Variants in NEK1 observed in about 807,000 individuals in gnomAD.
NEK1 encodes the protein NIMA related kinase 1.
NEK1 carries 137 observed loss-of-function variants against 182.1 expected under a neutral mutation model. The observed-to-expected ratio is 0.75, with a 90% CI of 0.65 to 0.87. The LOEUF is 0.87. Ranked by LOEUF, NEK1 falls within the 40% of genes least tolerant of loss-of-function variation. The pLI is 0.00. For missense variants in NEK1, 1,391 were observed against 1,494.4 expected, an observed-to-expected ratio of 0.93 and a Z score of 1.14; for synonymous variants, 513 against 492.2, an observed-to-expected ratio of 1.04 and a Z score of -0.56.
chr4:169,394,598 C>T, intron 35 of NEK1, 75 bp from the exon 36 acceptor site: 1 of 860,202 alleles, frequency 1.2e-6, no homozygotes, highest in South Asian at 1.7e-5. Context: ...CATTCTTGTT[C>T]ATGCTAAAGG....
intron 18 of NEK1, among the ~76,000 whole-genome samples, chr4:169,551,627 GGAAAAA>G (rs1222077344): frequency 6.6e-6 from 1 of 151,956 alleles, no homozygotes; most frequent in Non-Finnish European, 1.5e-5. Context: ...CACTATCTTG[GGAAAAA>G]GAAAAGGAAA....
At chr4:169,570,166 C>T (rs1241432268) in intron 12 of NEK1, among the ~76,000 whole-genome samples, 2 of 147,466 alleles carry the variant, frequency 1.4e-5, no homozygotes, top group African/African-American at 5.0e-5. Flanking sequence ...ATGTGAGGAG[C>T]GCCTCTGCCC....
rs182046009 is a variant in NEK1, at chr4:169,424,891, C to G, written c.2975-91G>C. 2.8e-5 allele frequency: 37 copies of G among 1,339,800 alleles called. No homozygotes were observed. The African/African-American group carries it at 4.9e-4, about 18-fold the overall frequency. The allele number at this position is 1,339,800 out of a possible 1,614,324, so 83.0% of individuals were successfully genotyped here. On this transcript the variant is annotated intron_variant, in intron 30 of 35. Transcript: ENST00000507142. ...TAAGGCACAGTATGTAACACAAATT[C>G]TAGCAAAAAACCCACATATCAGGAA... is the stretch of plus-strand genomic sequence containing the variant.
At chr4:169,514,827 T>C (rs527305168) in intron 19 of NEK1, among the ~76,000 whole-genome samples, 15 of 152,170 alleles carry the variant, frequency 9.9e-5, no homozygotes, top group Non-Finnish European at 2.1e-4. Flanking sequence ...CTCTATAGTA[T>C]TACTGGTCTC....
intron 31 of NEK1, among the ~76,000 whole-genome samples, chr4:169,421,240 A>G (rs1735445034): frequency 6.6e-6 from 1 of 152,218 alleles, no homozygotes; most frequent in Non-Finnish European, 1.5e-5. Context: ...AAAATCAGTA[A>G]GGATACTGAA....
In NEK1 at chr4:169,394,114, C is replaced by T. The variant is rs2110911197; in HGVS notation, c.*396G>A. 6.0e-6 allele frequency: 1 copy of T among 167,512 alleles called. No homozygotes were observed. Among genetic ancestry groups the T allele is most frequent in the East Asian group, 1.8e-4 (1 of 5,486 alleles). 10.4% of individuals were successfully genotyped at this position (167,512 alleles called of 1,614,324 possible). A position where few individuals can be genotyped will look rare whatever the true frequency, so the allele number is the denominator to read the frequency against. ...AGAAAAAAGATCATGCTTAAAGACTCCATTGAAAAACCACAGACAGGTCCT... is the reference window on the plus strand; with the variant it reads ...AGAAAAAAGATCATGCTTAAAGACTTCATTGAAAAACCACAGACAGGTCCT... On this transcript the variant is annotated 3_prime_UTR_variant, in exon 36 of 36. Coordinates refer to ENST00000507142, the MANE Select transcript of NEK1 (RefSeq NM_001199397.3).
At chr4:169,435,351 C>T (rs1402523822) in intron 28 of NEK1, among the ~76,000 whole-genome samples, 1 of 152,198 alleles carries the variant, frequency 6.6e-6, no homozygotes, top group African/African-American at 2.4e-5. Context: ...AATACCATTA[C>T]ATCAGGGATT....
chr4:169,416,248 C>T (rs1205124596), intron 31 of NEK1, among the ~76,000 whole-genome samples: 1 of 152,122 alleles, frequency 6.6e-6, no homozygotes, highest in Non-Finnish European at 1.5e-5. Flanking sequence ...ACCATGCGAA[C>T]TTTTTCAGAA....
intron 31 of NEK1, among the ~76,000 whole-genome samples, chr4:169,416,346 A>T (rs1358612963): frequency 1.3e-5 from 2 of 152,214 alleles, no homozygotes; most frequent in African/African-American, 4.8e-5. Flanking sequence ...AGGAATTATC[A>T]TAATGCATTA....
At chr4:169,535,096 G>T (rs1463054521) in intron 19 of NEK1, among the ~76,000 whole-genome samples, 1 of 152,102 alleles carries the variant, frequency 6.6e-6, no homozygotes, top group African/African-American at 2.4e-5. Flanking sequence ...GAGGCTGGCA[G>T]ATCACCTGAG....
At chr4:169,508,701 CAAGA>C in intron 20 of NEK1, 64 bp downstream of exon 20, 1 of 1,190,308 alleles carries the variant, frequency 8.4e-7, no homozygotes, top group Non-Finnish European at 1.2e-6. Context: ...TTAAACCATG[CAAGA>C]AAAGAAGGCA....
chr4:169,409,352 G>C (rs1449607178), intron 31 of NEK1, among the ~76,000 whole-genome samples: 2 of 151,932 alleles, frequency 1.3e-5, no homozygotes, highest in African/African-American at 4.8e-5. Context: ...CACCATGTTA[G>C]CCAGGATGGT....
chr4:169,397,847 A>ATTGTT (rs1730981183), intron 35 of NEK1, among the ~76,000 whole-genome samples: 1 of 152,220 alleles, frequency 6.6e-6, no homozygotes, highest in African/African-American at 2.4e-5. Context: ...AGGCAAACTA[A>ATTGTT]AAGCTCTCCA....
At chr4:169,429,763 T>G (rs542789200) in intron 29 of NEK1, among the ~76,000 whole-genome samples, 28 of 152,288 alleles carry the variant, frequency 1.8e-4, no homozygotes, top group African/African-American at 6.3e-4. Context: ...TACTGTTGTA[T>G]TTACTATCTG....
chr4:169,443,588 T>G (rs1579665988), intron 27 of NEK1, among the ~76,000 whole-genome samples: 2 of 149,450 alleles, frequency 1.3e-5, no homozygotes, highest in Admixed American at 1.3e-4. Context: ...AAAAAAGAGA[T>G]GGGCAAGGAC....
At chr4:169,401,452 G>C (rs888522883) in intron 33 of NEK1, among the ~76,000 whole-genome samples, 200 bp downstream of exon 33, 3 of 151,632 alleles carry the variant, frequency 2.0e-5, no homozygotes, top group Non-Finnish European at 2.9e-5. Flanking sequence ...TAATAGGAAA[G>C]AAATAAAAAC....
At chr4:169,442,475 C>T (rs1351518237) in intron 27 of NEK1, among the ~76,000 whole-genome samples, 2 of 151,912 alleles carry the variant, frequency 1.3e-5, no homozygotes, top group African/African-American at 2.4e-5. Context: ...TCCGTAAAAT[C>T]GGAAGAAGTG....
At position 169,477,264 on chromosome 4, in the gene NEK1, T is replaced by C. The variant is rs886059231; in HGVS notation, c.2294A>G (p.Glu765Gly). The C allele has an allele frequency of 9.4e-6, 15 of 1,598,002 alleles. No individual in the cohort carries two copies. Among genetic ancestry groups the C allele is most frequent in the Non-Finnish European group, 1.3e-5 (15 of 1,170,726 alleles). Residue 765 changes from glutamate (E) to glycine (G), a missense_variant, in exon 26 of 36, where the codon GAG becomes GGG. Glu to Gly is a moderately conservative substitution (Grantham distance 98, BLOSUM62 -2). This residue lies in a region of NEK1 where 1,216 missense variants were observed against 1,277.6 expected (regional missense o/e 0.95). Coordinates refer to ENST00000507142, the MANE Select transcript of NEK1 (RefSeq NM_001199397.3). ...KGKQNLSDTF[E>G]INVHEDAKEH... ...TTTGGCATCTTCATGAACATTTATC[T>C]CAAAAGTATCAGAGAGATTCTGCTT... is the stretch of plus-strand genomic sequence containing the variant.
chr4:169,498,098 G>C (rs957116105), intron 23 of NEK1, among the ~76,000 whole-genome samples: 4 of 152,166 alleles, frequency 2.6e-5, no homozygotes, highest in African/African-American at 7.2e-5. Context: ...TCCTGTATTG[G>C]ATGCATATAT....
Sources: allele counts gnomAD v4.1 joint callset (sites outside exome capture counted in the v4.1 genomes callset), GRCh38; gene constraint gnomAD v4.1.1; regional missense constraint gnomAD v4.1.1; transcripts MANE v1.5; gene names NCBI Gene and HGNC (gene_info 2026-07-23, HGNC 2026-07-21).